The following TIA1 variants were observed in gnomAD, a reference collection of about 807,000 sequenced individuals.
The protein encoded by TIA1 is TIA1 cytotoxic granule associated RNA binding protein.
Under a neutral mutation model 65.9 loss-of-function variants are expected in TIA1, and 23 were observed. The observed-to-expected ratio is 0.35, with a 90% CI of 0.25 to 0.49. The LOEUF (loss-of-function observed/expected upper bound fraction) is 0.49, where lower values mean the gene tolerates loss of function less well. Among genes scored for constraint, TIA1 ranks in the 20% least tolerant of loss-of-function variants. The pLI is 0.98. For missense variants in TIA1, 371 were observed against 477.9 expected, an observed-to-expected ratio of 0.78 and a Z score of 2.09; for synonymous variants, 147 against 149.4, an observed-to-expected ratio of 0.98 and a Z score of 0.12.
chr2:70,242,421 C>T (rs1692251300), intron 1 of TIA1, among the ~76,000 whole-genome samples: 1 of 142,516 alleles, frequency 7.0e-6, no homozygotes, highest in East Asian at 2.1e-4. Context: ...ATCACCTGAA[C>T]CCGGGAAGTG....
At chr2:70,226,772 G>T (rs1392153061) in intron 6 of TIA1, among the ~76,000 whole-genome samples, 3 of 152,040 alleles carry the variant, frequency 2.0e-5, no homozygotes, top group African/African-American at 7.2e-5. Context: ...TTCCTGATCA[G>T]GTCTCACAAA....
At chr2:70,242,025 A>T (rs79961800) in intron 1 of TIA1, among the ~76,000 whole-genome samples, 1 of 152,144 alleles carries the variant, frequency 6.6e-6, no homozygotes, top group African/African-American at 2.4e-5. Flanking sequence ...TATAAAAAGG[A>T]TATCAGTGGA....
chr2:70,227,644 T>C lies in TIA1; in HGVS notation c.398+91A>G, dbSNP rs1458785895. On this transcript the variant is annotated intron_variant, in intron 6 of 12. Transcript: ENST00000433529. ...CATTATATTCAAGTTATAAAATTAA[T>C]GTACAAAATTCACAACAGAATTATT... 1.5e-5 allele frequency: 12 copies of C among 799,244 alleles called. No individual in the cohort carries two copies. In the Admixed American group the frequency reaches 1.6e-4, roughly 11 times the overall value. The allele number at this position is 799,244 out of a possible 1,614,324, so 49.5% of individuals were successfully genotyped here. A position where few individuals can be genotyped will look rare whatever the true frequency, so the allele number is the denominator to read the frequency against.
chr2:70,243,359 C>T (rs915275055), intron 1 of TIA1, among the ~76,000 whole-genome samples: 5 of 152,052 alleles, frequency 3.3e-5, no homozygotes, highest in African/African-American at 7.2e-5. Flanking sequence ...CCTGAGAGGT[C>T]GAGGCTACAG....
Position 70,218,449 on chromosome 2 carries a change from C to T in TIA1, c.475-1455G>A, listed in dbSNP as rs533889653. Among the ~76,000 whole-genome samples the T allele has an allele frequency of 2.6e-5, 4 of 151,954 alleles. No homozygotes were observed. In the East Asian group the frequency reaches 7.8e-4, roughly 29 times the overall value. The stretch of plus-strand genomic sequence containing the variant: ...GTTTTAAGAAGGCCATTCTTTTTTT[C>T]GAGATGGAGTCTTGCTCTGTCTCCC... On this transcript the variant is annotated intron_variant, in intron 7 of 12. Transcript: ENST00000433529.
rs115130502 is a variant in TIA1, at chr2:70,209,791, C to T, written c.*2928G>A. 1.3e-5 allele frequency: 5 copies of T among 398,110 alleles called. No homozygotes were observed. The highest frequency in any genetic ancestry group is 1.3e-4 in the South Asian group (1 of 7,786). The allele number at this position is 398,110 out of a possible 1,614,324, so 24.7% of individuals were successfully genotyped here. On this transcript the variant is annotated 3_prime_UTR_variant, in exon 13 of 13. Transcript: ENST00000433529. ...TTTGCTTTCTTATTTCCTGTAAGTA[C>T]ATTTCGTTTTTCTAATTCAACTGTA...
At chr2:70,224,492 A>C (rs747174309) in intron 7 of TIA1, 62 bp downstream of exon 7, 1 of 1,603,760 alleles carries the variant, frequency 6.2e-7, no homozygotes, top group East Asian at 2.2e-5. Context: ...TTAGTAATTA[A>C]AACGGAGTGT....
rs749702797 is a variant in TIA1 at position 70,216,960 on chromosome 2, T to C, written c.509A>G (p.Gln170Arg). 2 of 1,613,702 alleles carry C rather than the reference T, an allele frequency of 1.2e-6. No homozygotes were observed. Among genetic ancestry groups the C allele is most frequent in the Non-Finnish European group, 1.7e-6 (2 of 1,179,754 alleles). The change falls in exon 8 of 13, where the codon CAG becomes CGG. Residue 170 changes from glutamine (Q) to arginine (R), a missense_variant. Physicochemically the swap from Gln to Arg is conservative, Grantham distance 43. Transcript: ENST00000433529. Reference protein sequence around the residue: ...AENAIQQMGGQWLGGRQIRTN... With the variant: ...AENAIQQMGGRWLGGRQIRTN... Reference sequence around the variant, plus strand: ...TCTGATTTGTCTTCCACCAAGCCACTGGCCACCCATCTGTTGAATGGCGTT... The same window carrying C: ...TCTGATTTGTCTTCCACCAAGCCACCGGCCACCCATCTGTTGAATGGCGTT...
Position 70,236,158 on chromosome 2 carries a change from GA to G in TIA1, c.43del (p.Ser15ProfsTer4). On this transcript the variant is annotated frameshift_variant, in exon 2 of 13. Coordinates refer to ENST00000433529, the MANE Select transcript of TIA1 (RefSeq NM_022173.4). LOFTEE classifies it high-confidence loss of function. ...MPKTLYVGNL[S>X]RDVTEALILQ... ...AATTAGAGCTTCTGTCACATCTCTGGAAAGGTTACCGACGTATCTGAAACAC... is the reference window on the plus strand; with the variant it reads ...AATTAGAGCTTCTGTCACATCTCTGGAAGGTTACCGACGTATCTGAAACAC... 6.2e-7 allele frequency: 1 copy of G among 1,610,572 alleles called. No homozygotes were observed. Among genetic ancestry groups the G allele is most frequent in the Non-Finnish European group, 8.5e-7 (1 of 1,177,938 alleles).
intron 3 of TIA1, among the ~76,000 whole-genome samples, chr2:70,230,083 A>T (rs2104431598): frequency 6.6e-6 from 1 of 151,990 alleles, no homozygotes; most frequent in African/African-American, 2.4e-5. Context: ...TTCTACTAAA[A>T]ATACAAAAAA....
In TIA1 at chr2:70,216,897, C is replaced by G; in HGVS notation, c.572G>C (p.Ser191Thr). The change falls in exon 8 of 13, where the codon AGT becomes ACT. Residue 191 changes from serine to threonine, a missense_variant. Transcript: ENST00000433529. ...TCCAATACACCTACACTCATATGTA[C>G]TCTTTGGAGCGGGAGGCTTTCGGGT... ...WATRKPPAPK[S>T]TYESNTKQLS... The G allele has an allele frequency of 6.2e-7, 1 of 1,614,096 alleles. No individual in the cohort carries two copies. Among genetic ancestry groups the G allele is most frequent in the Non-Finnish European group, 8.5e-7 (1 of 1,179,992 alleles).
chr2:70,229,551 C>T (rs1031881345), intron 3 of TIA1, among the ~76,000 whole-genome samples: 3 of 152,136 alleles, frequency 2.0e-5, no homozygotes, highest in Non-Finnish European at 2.9e-5. Context: ...ACCTAAAGTA[C>T]CCATATTATT....
chr2:70,246,333 T>C (rs188288459), intron 1 of TIA1, among the ~76,000 whole-genome samples: 2 of 152,176 alleles, frequency 1.3e-5, no homozygotes, highest in South Asian at 2.1e-4. Context: ...GCTAAGAACA[T>C]ATATTAAAAG....
chr2:70,229,175 C>T, intron 4 of TIA1, 84 bp from the exon 5 acceptor site: 1 of 1,599,006 alleles, frequency 6.3e-7, no homozygotes, highest in African/African-American at 1.3e-5. Flanking sequence ...CAAAACATTA[C>T]TGCAAACATG....
intron 5 of TIA1, chr2:70,228,772 C>A: frequency 2.3e-6 from 3 of 1,325,228 alleles, no homozygotes; most frequent in Non-Finnish European, 2.9e-6. Flanking sequence ...GGTATGAAGC[C>A]CAAATGGTGA....
Position 70,211,665 on chromosome 2 carries a change from G to A in TIA1, c.*1054C>T, listed in dbSNP as rs1167217452. ...GTGTCTCAAAATTCTTGAAAAACAA[G>A]AGCAGATGACTTTGTATTCAAAGAC... On this transcript the variant is annotated 3_prime_UTR_variant, in exon 13 of 13. Coordinates refer to ENST00000433529, the MANE Select transcript of TIA1 (RefSeq NM_022173.4). The A allele has an allele frequency of 2.6e-5, 4 of 152,548 alleles. No individual in the cohort carries two copies. The highest frequency in any genetic ancestry group is 4.4e-5 in the Non-Finnish European group (3 of 68,032). The allele number at this position is 152,548 out of a possible 1,614,324, so 9.4% of individuals were successfully genotyped here. A position where few individuals can be genotyped will look rare whatever the true frequency, so the allele number is the denominator to read the frequency against.
At chr2:70,235,954 CTACAG>C in intron 2 of TIA1, 120 bp downstream of exon 2, 1 of 513,652 alleles carries the variant, frequency 1.9e-6, no homozygotes, top group South Asian at 3.2e-5. Flanking sequence ...TATATTTAGA[CTACAG>C]TAAACTAATA....
chr2:70,230,998 A>G, intron 2 of TIA1, 144 bp from the exon 3 acceptor site: 1 of 580,464 alleles, frequency 1.7e-6, no homozygotes, highest in Non-Finnish European at 3.0e-6. Context: ...CCACAAGTAA[A>G]TTTTAGATTT....
chr2:70,217,648 C>T (rs1251502410), intron 7 of TIA1, among the ~76,000 whole-genome samples: 3 of 152,136 alleles, frequency 2.0e-5, no homozygotes, highest in African/African-American at 4.8e-5. Flanking sequence ...CCTCCCAACT[C>T]GGCCTCTCAA....
Sources: gnomAD v4.1 joint callset for allele counts (sites outside exome capture counted in the v4.1 genomes callset) on GRCh38, gnomAD v4.1.1 for gene constraint, MANE v1.5 for transcripts, NCBI Gene and HGNC (gene_info 2026-07-23, HGNC 2026-07-21) for gene names.